The following KIF1A variants were observed in gnomAD, a reference collection of about 807,000 sequenced individuals.
KIF1A encodes the protein kinesin family member 1A, also known as kinesin-like protein KIF1A.
KIF1A carries 46 observed loss-of-function variants against 227.3 expected under a neutral mutation model. The ratio of observed to expected loss-of-function variants is 0.20; its 90% CI spans 0.16 to 0.26. The LOEUF is 0.26. Ranked by LOEUF, KIF1A falls within the 10% of genes least tolerant of loss-of-function variation. The pLI is 1.00. For synonymous variants in KIF1A, 1,022 were observed against 1,012.8 expected (o/e 1.01, Z -0.17); for missense variants, 1,683 against 2,485.9 (o/e 0.68, Z 6.87).
intron 29 of KIF1A, 142 bp downstream of exon 29, chr2:240,747,094 G>C: frequency 6.6e-6 from 4 of 610,526 alleles, no homozygotes; most frequent in Non-Finnish European, 1.2e-5. Flanking sequence ...GGCAGGCTCA[G>C]TGCTCTGGAC....
intron 17 of KIF1A, among the ~76,000 whole-genome samples, 199 bp downstream of exon 17, chr2:240,768,934 C>T (rs2051564539): frequency 1.3e-5 from 2 of 152,232 alleles, no homozygotes; most frequent in African/African-American, 4.8e-5. Flanking sequence ...CCAGCATGCC[C>T]CACCATGAGA....
At position 240,760,670 on chromosome 2, in the gene KIF1A, C is replaced by T; in HGVS notation, c.2439G>A (p.Lys813=). The stretch of plus-strand genomic sequence containing the variant: ...CAGCGGCCCTCCAGCCCCACCTGAG[C>T]TTCTCCAGCGTCCAGTAGTGGGTGG... The part of the protein sequence containing the change: ...NGATHYWTLE[K]LRQRLDLMRE... The change falls in exon 25 of 49, where the codon AAG becomes AAA. Residue 813 remains lysine (K), a synonymous_variant. Coordinates refer to ENST00000498729, the MANE Select transcript of KIF1A (RefSeq NM_001244008.2). The T allele has an allele frequency of 2.0e-6, 3 of 1,517,858 alleles. No individual in the cohort carries two copies. The highest frequency in any genetic ancestry group is 2.6e-5 in the South Asian group (2 of 76,124). The allele number at this position is 1,517,858 out of a possible 1,614,324, so 94.0% of individuals were successfully genotyped here.
At chr2:240,816,615 G>C (rs2058344893) in intron 1 of KIF1A, among the ~76,000 whole-genome samples, 1 of 152,184 alleles carries the variant, frequency 6.6e-6, no homozygotes, top group African/African-American at 2.4e-5. Context: ...GGCAGCCAGG[G>C]CTGGGCCTGC....
upstream of KIF1A, among the ~76,000 whole-genome samples, chr2:240,821,261 CGCCCAGCAGGGGCCTGCGCT>C (rs983640673): frequency 3.3e-5 from 5 of 152,236 alleles, no homozygotes; most frequent in Admixed American, 3.3e-4. Flanking sequence ...GCCTCCCTGG[CGCCCAGCAGGGGCCTGCGCT>C]GCCCTAGCGG....
chr2:240,725,729 C>T lies in KIF1A; in HGVS notation c.4123-325G>A, dbSNP rs1484234056. On this transcript the variant is annotated intron_variant, in intron 39 of 48. Coordinates refer to ENST00000498729, the MANE Select transcript of KIF1A (RefSeq NM_001244008.2). The surrounding 1 kb of genome is among the most constrained non-coding windows in gnomAD (Gnocchi z 5.8). ...TCACCATAAAATTGGGGTGACCCCT[C>T]CCCGACCCTGGAATGTCTGTGAGGA... 4 of 285,376 alleles carry T rather than the reference C, an allele frequency of 1.4e-5. No homozygotes were observed. Among genetic ancestry groups the T allele is most frequent in the Non-Finnish European group, 2.0e-5 (3 of 153,548 alleles). The allele number at this position is 285,376 out of a possible 1,614,324, so 17.7% of individuals were successfully genotyped here.
At chr2:240,785,158 G>A (rs1173322303) in intron 6 of KIF1A, 58 bp from the exon 7 acceptor site, 22 of 1,375,348 alleles carry the variant, frequency 1.6e-5, no homozygotes, top group Admixed American at 3.4e-5. Flanking sequence ...GTGCGAGATC[G>A]CCGGTGGTGC....
Position 240,778,655 on chromosome 2 carries a change from C to T in KIF1A, c.883-2729G>A, listed in dbSNP as rs753526437. 1.6e-4 allele frequency among the ~76,000 whole-genome samples: 24 copies of T among 151,756 alleles called. No individual in the cohort carries two copies. Among genetic ancestry groups the T allele is most frequent in the Non-Finnish European group, 2.8e-4 (19 of 67,944 alleles). On this transcript the variant is annotated intron_variant, in intron 10 of 48. Transcript: ENST00000498729. This position sits in a 1 kb window ranked among gnomAD's most constrained non-coding sequence, Gnocchi z 7.2. ...CCACCCCCTTCCACACACTTCCTCC[C>T]GGTTCCCACAGCTCCACGCGGCGCC...
In KIF1A at chr2:240,757,199, C is replaced by T; in HGVS notation, c.2858+120G>A. The stretch of plus-strand genomic sequence containing the variant: ...CTCCTCAGGAGGCCAGCCCCTCCAC[C>T]TGCCTCGCCTGCCCTGGGAGGGCCC... On this transcript the variant is annotated intron_variant, in intron 27 of 48. Coordinates refer to ENST00000498729, the MANE Select transcript of KIF1A (RefSeq NM_001244008.2). The surrounding 1 kb of genome is among the most constrained non-coding windows in gnomAD (Gnocchi z 6.2). The T allele has an allele frequency of 1.9e-6, 2 of 1,036,038 alleles. No individual in the cohort carries two copies. The highest frequency in any genetic ancestry group is 1.4e-6 in the Non-Finnish European group (1 of 709,706). The allele number at this position is 1,036,038 out of a possible 1,614,324, so 64.2% of individuals were successfully genotyped here. A position where few individuals can be genotyped will look rare whatever the true frequency, so the allele number is the denominator to read the frequency against.
Position 240,757,411 on chromosome 2 carries a change from CTCCTCCTCCTCA to C in KIF1A, c.2754_2765del (p.Asp918_Glu921del), listed in dbSNP as rs764726609. ...CCGGAAAGACGTCGTCCTCCAGGTCCTCCTCCTCCTCATCCTCCTCCTCCTCCTCCTCCTCCT... is the reference window on the plus strand; with the variant it reads ...CCGGAAAGACGTCGTCCTCCAGGTCCTCCTCCTCCTCCTCCTCCTCCTCCT... On this transcript the variant is annotated inframe_deletion, in exon 27 of 49. Coordinates refer to ENST00000498729, the MANE Select transcript of KIF1A (RefSeq NM_001244008.2). The surrounding 1 kb of genome is among the most constrained non-coding windows in gnomAD (Gnocchi z 6.2). 5.2e-6 allele frequency: 8 copies of C among 1,529,630 alleles called. No individual in the cohort carries two copies. The highest frequency in any genetic ancestry group is 4.8e-5 in the South Asian group (4 of 83,388). The allele number at this position is 1,529,630 out of a possible 1,614,324, so 94.8% of individuals were successfully genotyped here. A position where few individuals can be genotyped will look rare whatever the true frequency, so the allele number is the denominator to read the frequency against.
At chr2:240,745,977 C>A in intron 30 of KIF1A, 62 bp downstream of exon 30, 1 of 1,595,258 alleles carries the variant, frequency 6.3e-7, no homozygotes, top group Non-Finnish European at 8.5e-7. Context: ...AGGCCTGGGC[C>A]GGGCTCAGGA....
intron 10 of KIF1A, 125 bp from the exon 11 acceptor site, chr2:240,776,051 C>T (rs1014091671): frequency 2.8e-6 from 2 of 703,080 alleles, no homozygotes; most frequent in South Asian, 3.1e-5. Context: ...GCGGGGCCCG[C>T]TCTGCTGGAC....
In KIF1A at chr2:240,723,650, C is replaced by T; in HGVS notation, c.4319-92G>A. Reference sequence around the variant, plus strand: ...GGTCCGCCCATCTGTGAAGCTGTCTCCCCTCTGGAGTGGAGATGGGCTTCC... The same window carrying T: ...GGTCCGCCCATCTGTGAAGCTGTCTTCCCTCTGGAGTGGAGATGGGCTTCC... On this transcript the variant is annotated intron_variant, in intron 41 of 48. Coordinates refer to ENST00000498729, the MANE Select transcript of KIF1A (RefSeq NM_001244008.2). 2.1e-6 allele frequency: 3 copies of T among 1,408,496 alleles called. No individual in the cohort carries two copies. In the South Asian group the frequency reaches 4.3e-5, roughly 20 times the overall value. The allele number at this position is 1,408,496 out of a possible 1,614,324, so 87.2% of individuals were successfully genotyped here.
chr2:240,809,372 T>A (rs1215546427), intron 1 of KIF1A, among the ~76,000 whole-genome samples: 1 of 152,188 alleles, frequency 6.6e-6, no homozygotes, highest in East Asian at 1.9e-4. Context: ...GAAGTCGGGC[T>A]GTGCTGGGAC....
At chr2:240,742,287 G>A (rs1306161526) in intron 34 of KIF1A, among the ~76,000 whole-genome samples, 1 of 152,152 alleles carries the variant, frequency 6.6e-6, no homozygotes, top group Admixed American at 6.5e-5. Flanking sequence ...ACCCTCTGGG[G>A]TGCTGGTGCC....
intron 27 of KIF1A, among the ~76,000 whole-genome samples, chr2:240,756,181 G>T (rs1442233887): frequency 6.6e-6 from 1 of 152,168 alleles, no homozygotes; most frequent in Non-Finnish European, 1.5e-5. Context: ...GCCACCCTTA[G>T]CCTTCAGCTG....
Position 240,788,198 on chromosome 2 carries a change from C to G in KIF1A, c.216G>C (p.Gln72His). ...PEDINYASQK[Q>H]VYRDIGEEML... is the part of the protein sequence containing the mutation. ...TCTCCTCGCCGATGTCCCGGTACAC[C>G]TGCTTCTGCGACGCGTAGTTGATGT... The change falls in exon 4 of 49, where the codon CAG becomes CAC. Residue 72 changes from glutamine to histidine, a missense_variant. By Grantham distance (24) the Gln-to-His change is conservative. Transcript: ENST00000498729. The surrounding 1 kb of genome is among the most constrained non-coding windows in gnomAD (Gnocchi z 6.6). 6.2e-7 allele frequency: 1 copy of G among 1,613,890 alleles called. No individual in the cohort carries two copies. The highest frequency in any genetic ancestry group is 8.5e-7 in the Non-Finnish European group (1 of 1,179,882).
At position 240,792,397 on chromosome 2, in the gene KIF1A, G is replaced by C. The variant is rs1186774607; in HGVS notation, c.107-3085C>G. 3.3e-5 allele frequency among the ~76,000 whole-genome samples: 5 copies of C among 151,566 alleles called. No homozygotes were observed. The highest frequency in any genetic ancestry group is 1.2e-4 in the African/African-American group (5 of 41,456). On this transcript the variant is annotated intron_variant, in intron 2 of 48. Transcript: ENST00000498729. This position sits in a 1 kb window ranked among gnomAD's most constrained non-coding sequence, Gnocchi z 4.5. Reference sequence around the variant, plus strand: ...AGGGCCCCCATCCCCTCCCACCCCAGGCTCTGGCCAGGCCCCCAGAGCTGG... The same window carrying C: ...AGGGCCCCCATCCCCTCCCACCCCACGCTCTGGCCAGGCCCCCAGAGCTGG...
rs997664434 is a variant in KIF1A at position 240,793,171 on chromosome 2, G to A, written c.107-3859C>T. ...GCTCGGGATTGGGGGAGCCCACAGC[G>A]GAGGCTGGGGGCCTGGGTCGCACCC... On this transcript the variant is annotated intron_variant, in intron 2 of 48. Coordinates refer to ENST00000498729, the MANE Select transcript of KIF1A (RefSeq NM_001244008.2). This position sits in a 1 kb window ranked among gnomAD's most constrained non-coding sequence, Gnocchi z 4.8. Among the ~76,000 whole-genome samples the A allele has an allele frequency of 2.6e-5, 4 of 152,202 alleles. No homozygotes were observed. The highest frequency in any genetic ancestry group is 7.2e-5 in the African/African-American group (3 of 41,450).
In KIF1A at chr2:240,784,282, G is replaced by A. The variant is rs1447717734; in HGVS notation, c.721-466C>T. ...GGCCAGGCTCCCAACAGGGGCACCC[G>A]CAGTCTGGGGTGGGAGGCCCTGCAC... is the stretch of plus-strand genomic sequence containing the variant. On this transcript the variant is annotated intron_variant, in intron 7 of 48. Coordinates refer to ENST00000498729, the MANE Select transcript of KIF1A (RefSeq NM_001244008.2). Among the ~76,000 whole-genome samples, 7 of 152,148 alleles carry A rather than the reference G, an allele frequency of 4.6e-5. No homozygotes were observed. In the East Asian group the frequency reaches 5.8e-4, roughly 13 times the overall value.
Sources: gnomAD v4.1 joint callset for allele counts (sites outside exome capture counted in the v4.1 genomes callset) on GRCh38, gnomAD v4.1.1 for gene constraint, Gnocchi (gnomAD v3.1) non-coding constraint, MANE v1.5 for transcripts, NCBI Gene and HGNC (gene_info 2026-07-23, HGNC 2026-07-21) for gene names.